SHISA9: variants seen among roughly 807,000 people sequenced by gnomAD.
SHISA9 encodes shisa family member 9.
A neutral mutation model predicts 38.0 loss-of-function variants in SHISA9; 13 were observed. The ratio of observed to expected loss-of-function variants is 0.34; its 90% CI spans 0.22 to 0.54. SHISA9 has a LOEUF of 0.54. SHISA9 is among the 20% of genes least tolerant of loss of function. The pLI, the probability that SHISA9 is intolerant of heterozygous loss-of-function variation, is 0.91. For synonymous variants in SHISA9, 275 were observed against 242.0 expected (o/e 1.14, Z -1.27); for missense variants, 538 against 575.8 (o/e 0.93, Z 0.67).
the SHISA9 span, among the ~76,000 whole-genome samples, chr16:13,368,215 A>G: frequency 8.5e-5 from 13 of 152,142 alleles, no homozygotes; most frequent in African/African-American, 3.1e-4. Flanking sequence ...TGTAGGGATG[A>G]TTTTGTAACC....
intron 4 of SHISA9, among the ~76,000 whole-genome samples, chr16:13,234,758 T>C (rs2819684): frequency 0.19 from 29,283 of 151,968 alleles, 3,086 homozygotes; most frequent in Admixed American, 0.32. Context: ...GGTGGGACTG[T>C]GGGGGGAGAA....
At chr16:13,284,820 A>C in the SHISA9 span, among the ~76,000 whole-genome samples, 2 of 152,096 alleles carry the variant, frequency 1.3e-5, no homozygotes, top group African/African-American at 4.8e-5. Flanking sequence ...GCTGGACTTG[A>C]ATTCATGGGC....
chr16:12,937,606 C>T (rs1221460810), intron 2 of SHISA9, among the ~76,000 whole-genome samples: 1 of 152,202 alleles, frequency 6.6e-6, no homozygotes, highest in Non-Finnish European at 1.5e-5. Flanking sequence ...AGAGGGCTCC[C>T]TTCCTGGCTT....
rs1444966656 is a variant in SHISA9 at position 12,978,637 on chromosome 16, G to A, written c.691+61822G>A. On this transcript the variant is annotated intron_variant, in intron 2 of 4. Transcript: ENST00000558583. ...GAATGATGTGATAAATAGCCCCAAA[G>A]GAGTGTTTTGAAGCAGTGTCTCATC... Among the ~76,000 whole-genome samples, 7 of 152,194 alleles carry A rather than the reference G, an allele frequency of 4.6e-5. No individual in the cohort carries two copies. In the South Asian group the frequency reaches 1.0e-3, roughly 22 times the overall value.
the SHISA9 span, among the ~76,000 whole-genome samples, chr16:13,539,448 A>G: frequency 2.0e-5 from 3 of 150,336 alleles, no homozygotes; most frequent in Non-Finnish European, 4.4e-5. Flanking sequence ...AAGTTCTGGG[A>G]TTACAGGTGT....
At chr16:13,119,449 A>G (rs1250314608) in intron 2 of SHISA9, among the ~76,000 whole-genome samples, 1 of 152,176 alleles carries the variant, frequency 6.6e-6, no homozygotes, top group African/African-American at 2.4e-5. Context: ...TTTATGTCAC[A>G]TTTCCACTTG....
the SHISA9 span, among the ~76,000 whole-genome samples, chr16:13,495,979 A>T: frequency 2.6e-5 from 4 of 152,084 alleles, no homozygotes; most frequent in Admixed American, 6.6e-5. Flanking sequence ...GTTTCTAAAA[A>T]AGCTATCCTA....
chr16:13,137,422 G>A (rs2050359312), intron 2 of SHISA9, among the ~76,000 whole-genome samples: 1 of 152,014 alleles, frequency 6.6e-6, no homozygotes. Context: ...CACTAGGGAG[G>A]CTCGTTAGAG....
intron 1 of SHISA9, among the ~76,000 whole-genome samples, chr16:12,916,289 C>A (rs1338619294): frequency 6.6e-6 from 1 of 152,132 alleles, no homozygotes; most frequent in African/African-American, 2.4e-5. Context: ...ATGGCAAATA[C>A]TCAATAAATG....
the SHISA9 span, among the ~76,000 whole-genome samples, chr16:13,309,805 A>G: frequency 6.6e-6 from 1 of 152,204 alleles, no homozygotes; most frequent in African/African-American, 2.4e-5. Flanking sequence ...ACTAGACCAA[A>G]CCTAAAACAA....
chr16:13,405,323 C>T, the SHISA9 span, among the ~76,000 whole-genome samples: 1 of 152,142 alleles, frequency 6.6e-6, no homozygotes, highest in African/African-American at 2.4e-5. Context: ...TAGGAGGCAG[C>T]CTTGGGAAAT....
chr16:13,469,723 A>G, the SHISA9 span, among the ~76,000 whole-genome samples: 4 of 152,134 alleles, frequency 2.6e-5, no homozygotes, highest in Non-Finnish European at 4.4e-5. Flanking sequence ...GGTAAGATTA[A>G]TTATGCTAAT....
At chr16:13,469,177 G>A in the SHISA9 span, among the ~76,000 whole-genome samples, 1 of 151,286 alleles carries the variant, frequency 6.6e-6, no homozygotes, top group Non-Finnish European at 1.5e-5. Context: ...TGGAGGTGGA[G>A]GTTGCAGTGA....
At chr16:13,130,591 A>G (rs756118767) in intron 2 of SHISA9, among the ~76,000 whole-genome samples, 6 of 152,222 alleles carry the variant, frequency 3.9e-5, no homozygotes, top group Middle Eastern at 3.4e-3. Flanking sequence ...ATGACTTTTT[A>G]TTTTCATAGG....
chr16:13,231,470 C>G (rs562308432), intron 4 of SHISA9, among the ~76,000 whole-genome samples: 113 of 152,300 alleles, frequency 7.4e-4, no homozygotes, highest in African/African-American at 2.6e-3. Context: ...TTAACTTGTG[C>G]TACCTTAAAC....
chr16:13,072,077 C>T (rs997828967), intron 2 of SHISA9, among the ~76,000 whole-genome samples: 22 of 152,192 alleles, frequency 1.4e-4, no homozygotes, highest in Non-Finnish European at 2.5e-4. Context: ...CTAAATGATT[C>T]CCTGCCCCTG....
At chr16:13,101,858 C>G (rs1278413018) in intron 2 of SHISA9, among the ~76,000 whole-genome samples, 1 of 152,136 alleles carries the variant, frequency 6.6e-6, no homozygotes, top group Non-Finnish European at 1.5e-5. Context: ...TATTATTCAT[C>G]AATTAAAACT....
At chr16:13,419,586 G>T in the SHISA9 span, among the ~76,000 whole-genome samples, 1 of 152,166 alleles carries the variant, frequency 6.6e-6, no homozygotes, top group Non-Finnish European at 1.5e-5. Flanking sequence ...TATAAGAGAG[G>T]ATTAAAAAAT....
At chr16:13,101,244 A>G (rs1413391733) in intron 2 of SHISA9, among the ~76,000 whole-genome samples, 5 of 152,236 alleles carry the variant, frequency 3.3e-5, no homozygotes, top group Non-Finnish European at 7.3e-5. Context: ...ATTTGTCAAG[A>G]TGGTAGGTGT....
Sources: allele counts gnomAD v4.1 joint callset (sites outside exome capture counted in the v4.1 genomes callset), GRCh38; gene constraint gnomAD v4.1.1; transcripts MANE v1.5; gene names NCBI Gene and HGNC (gene_info 2026-07-23, HGNC 2026-07-21).